MBD5: variants seen among roughly 807,000 people sequenced by gnomAD.
MBD5 encodes methyl-CpG-binding domain protein 5.
Under a neutral mutation model 117.3 loss-of-function variants are expected in MBD5, and 13 were observed. The observed-to-expected ratio is 0.11, with a 90% CI of 0.07 to 0.18. The LOEUF is 0.18. Among genes scored for constraint, MBD5 ranks in the 10% least tolerant of loss-of-function variants. MBD5 has a pLI of 1.00. For missense variants in MBD5, 1,879 were observed against 2,093.8 expected (o/e 0.90, Z 2.00); for synonymous variants, 727 against 766.4 (o/e 0.95, Z 0.85).
chr2:148,119,456 G>T (rs1336443547), intron 1 of MBD5, among the ~76,000 whole-genome samples: 2 of 152,010 alleles, frequency 1.3e-5, no homozygotes, highest in East Asian at 3.9e-4. Flanking sequence ...TATCCTATGG[G>T]TTTTCACCTT....
intron 9 of MBD5, among the ~76,000 whole-genome samples, chr2:148,484,664 A>G (rs1681278266): frequency 6.6e-6 from 1 of 152,342 alleles, no homozygotes; most frequent in Admixed American, 6.5e-5. Context: ...GTTCAAGGGA[A>G]CAGACAGCCC....
chr2:148,406,549 C>G (rs539343079), intron 4 of MBD5, among the ~76,000 whole-genome samples: 10 of 152,314 alleles, frequency 6.6e-5, no homozygotes, highest in African/African-American at 2.4e-4. Context: ...TGTCACTCCT[C>G]TTGCTTATAC....
chr2:148,342,588 A>G (rs1453267305), intron 4 of MBD5, among the ~76,000 whole-genome samples: 2 of 151,936 alleles, frequency 1.3e-5, no homozygotes, highest in Admixed American at 6.6e-5. Flanking sequence ...TCAGGTAACT[A>G]TTCTTCATAT....
At chr2:148,315,929 G>A (rs139992379) in intron 3 of MBD5, among the ~76,000 whole-genome samples, 62 of 152,298 alleles carry the variant, frequency 4.1e-4, no homozygotes, top group Non-Finnish European at 1.8e-4. Context: ...AAAGAAAAGT[G>A]GTTTGATTGA....
At chr2:148,344,609 C>T (rs554779077) in intron 4 of MBD5, among the ~76,000 whole-genome samples, 1 of 152,004 alleles carries the variant, frequency 6.6e-6, no homozygotes, top group South Asian at 2.1e-4. Flanking sequence ...CTTCATTTGG[C>T]TTTCAGCTTG....
At chr2:148,411,300 A>G (rs1379290570) in intron 4 of MBD5, among the ~76,000 whole-genome samples, 2 of 152,110 alleles carry the variant, frequency 1.3e-5, no homozygotes, top group Non-Finnish European at 2.9e-5. Flanking sequence ...TAATTCTGCA[A>G]TGGGCATATG....
chr2:148,310,186 T>C (rs1376403987), intron 3 of MBD5, among the ~76,000 whole-genome samples: 1 of 152,218 alleles, frequency 6.6e-6, no homozygotes, highest in Admixed American at 6.5e-5. Context: ...GAGTCCCTCC[T>C]TTTCTATTGT....
intron 4 of MBD5, among the ~76,000 whole-genome samples, chr2:148,404,702 G>T (rs1198358984): frequency 6.6e-6 from 1 of 152,108 alleles, no homozygotes; most frequent in Non-Finnish European, 1.5e-5. Context: ...TTCATTGCCT[G>T]CTGTCCATTG....
At chr2:148,033,236 G>A (rs192277869) in intron 1 of MBD5, among the ~76,000 whole-genome samples, 40 of 152,262 alleles carry the variant, frequency 2.6e-4, no homozygotes, top group African/African-American at 9.6e-4. Flanking sequence ...GGTAAGAAAT[G>A]CAGAGCTACC....
chr2:148,226,464 A>C (rs1288020884), intron 2 of MBD5, among the ~76,000 whole-genome samples: 1 of 152,202 alleles, frequency 6.6e-6, no homozygotes, highest in Non-Finnish European at 1.5e-5. Flanking sequence ...ATGGCTGCAT[A>C]GTATTCCATG....
chr2:148,026,687 G>C (rs939579254), intron 1 of MBD5: 1 of 152,224 alleles, frequency 6.6e-6, no homozygotes, highest in East Asian at 1.9e-4. Context: ...TGGGAGGTGA[G>C]GTAGGAGGAT....
At chr2:148,351,411 G>T (rs908564432) in intron 4 of MBD5, among the ~76,000 whole-genome samples, 1 of 151,858 alleles carries the variant, frequency 6.6e-6, no homozygotes, top group Non-Finnish European at 1.5e-5. Flanking sequence ...TAATTTTAAG[G>T]TTCATCCATA....
chr2:148,500,162 C>T (rs986169339), intron 11 of MBD5, among the ~76,000 whole-genome samples: 2 of 151,826 alleles, frequency 1.3e-5, no homozygotes, highest in South Asian at 2.1e-4. Flanking sequence ...ATTATTCAAG[C>T]ATAAAAAAAT....
intron 3 of MBD5, among the ~76,000 whole-genome samples, chr2:148,269,402 A>G (rs7588000): frequency 0.97 from 146,738 of 151,826 alleles, 71,096 homozygotes; most frequent in East Asian, 1. Flanking sequence ...CTTCAATAGA[A>G]GTATTAAAGG....
At chr2:148,288,087 A>G (rs867190294) in intron 3 of MBD5, among the ~76,000 whole-genome samples, 18 of 151,976 alleles carry the variant, frequency 1.2e-4, no homozygotes, top group Middle Eastern at 6.8e-3. Context: ...GTGTGTGTGT[A>G]TAAACTTCAG....
chr2:148,502,440 A>G lies in MBD5; in HGVS notation c.4967A>G (p.Glu1656Gly). Residue 1656 changes from glutamate (E) to glycine (G), a missense_variant, in exon 12 of 14, where the codon GAG becomes GGG. Physicochemically the swap from Glu to Gly is moderately conservative, Grantham distance 98. Coordinates refer to ENST00000642680, the MANE Select transcript of MBD5 (RefSeq NM_001378120.1). ...CQQSPEEGKVEPEKLKTLTEG... is the reference protein window; with the variant it reads ...CQQSPEEGKVGPEKLKTLTEG... The stretch of plus-strand genomic sequence containing the variant: ...GGTCTTCATACCTTCACTCAGGTGG[A>G]GCCCGAGAAGTTGAAGACACTAACA... 1 of 1,614,068 alleles carries G rather than the reference A, an allele frequency of 6.2e-7. No individual in the cohort carries two copies. The highest frequency in any genetic ancestry group is 1.1e-5 in the South Asian group (1 of 91,066).
chr2:148,417,682 C>T (rs1317881673), intron 4 of MBD5, among the ~76,000 whole-genome samples: 1 of 152,064 alleles, frequency 6.6e-6, no homozygotes, highest in African/African-American at 2.4e-5. Context: ...CTCATTGTGA[C>T]TGTAATTTGC....
intron 1 of MBD5, among the ~76,000 whole-genome samples, chr2:148,116,181 G>GT (rs894605614): frequency 2.2e-5 from 3 of 133,518 alleles, no homozygotes; most frequent in Non-Finnish European, 4.7e-5. Flanking sequence ...TTACCTACAT[G>GT]TTTTTTTAAT....
chr2:148,135,237 A>G (rs1697144456), intron 1 of MBD5, among the ~76,000 whole-genome samples: 1 of 152,194 alleles, frequency 6.6e-6, no homozygotes, highest in Admixed American at 6.5e-5. Context: ...TGATTAACCT[A>G]CCTGGACTTT....
Sources: gnomAD v4.1 joint callset for allele counts (sites outside exome capture counted in the v4.1 genomes callset) on GRCh38, gnomAD v4.1.1 for gene constraint, MANE v1.5 for transcripts, NCBI Gene and HGNC (gene_info 2026-07-23, HGNC 2026-07-21) for gene names.